Variants in KSR2 observed in about 807,000 individuals in gnomAD.
KSR2 encodes the protein kinase suppressor of ras 2.
Under a neutral mutation model 107.8 loss-of-function variants are expected in KSR2, and 25 were observed. The observed-to-expected ratio is 0.23, with a 90% CI of 0.17 to 0.32. KSR2 has a LOEUF of 0.32. KSR2 is among the 10% of genes least tolerant of loss of function. The pLI is 1.00. For missense variants in KSR2, 887 were observed against 1,268.9 expected (o/e 0.70, Z 4.57); for synonymous variants, 480 against 507.0 (o/e 0.95, Z 0.71).
intron 10 of KSR2, among the ~76,000 whole-genome samples, chr12:117,539,077 A>AT (rs1297775458): frequency 6.6e-6 from 1 of 152,234 alleles, no homozygotes; most frequent in Admixed American, 6.5e-5. Flanking sequence ...AGCCCAGTGC[A>AT]TACTCTCTGG....
chr12:117,707,605 T>G (rs10744900), intron 4 of KSR2, among the ~76,000 whole-genome samples: 28 of 152,012 alleles, frequency 1.8e-4, no homozygotes, highest in African/African-American at 6.8e-4. Flanking sequence ...TATTTTGGCA[T>G]GTGGGTTGTG....
At chr12:117,780,977 C>T (rs775742024) in intron 3 of KSR2, among the ~76,000 whole-genome samples, 10 of 152,154 alleles carry the variant, frequency 6.6e-5, no homozygotes, top group Non-Finnish European at 1.3e-4. Context: ...TTGGCTGTGA[C>T]CCCACCCAAA....
chr12:117,939,423 C>T (rs1256424594), intron 1 of KSR2, among the ~76,000 whole-genome samples: 2 of 152,098 alleles, frequency 1.3e-5, no homozygotes, highest in East Asian at 1.9e-4. Context: ...AGATTTGAAA[C>T]GTGGCTGGGT....
intron 14 of KSR2, among the ~76,000 whole-genome samples, chr12:117,523,469 A>G (rs1163777952): frequency 6.6e-6 from 1 of 152,158 alleles, no homozygotes; most frequent in African/African-American, 2.4e-5. Context: ...TTGTTTCACA[A>G]CTGTTCCATC....
At chr12:117,712,245 G>C (rs575212258) in intron 4 of KSR2, among the ~76,000 whole-genome samples, 2 of 152,170 alleles carry the variant, frequency 1.3e-5, no homozygotes, top group Non-Finnish European at 2.9e-5. Flanking sequence ...ATGCCTGCAC[G>C]CTCCTCTCAA....
chr12:117,683,655 C>T (rs1885458021), intron 4 of KSR2, among the ~76,000 whole-genome samples: 1 of 152,132 alleles, frequency 6.6e-6, no homozygotes, highest in Non-Finnish European at 1.5e-5. Context: ...CCTAACAGAC[C>T]TTCTACCAAG....
intron 14 of KSR2, among the ~76,000 whole-genome samples, chr12:117,506,665 T>C (rs555249286): frequency 7.9e-5 from 12 of 152,250 alleles, no homozygotes; most frequent in South Asian, 2.1e-4. Context: ...CCAAAGTCTA[T>C]AGGATTCCAG....
rs1229616214 is a variant in KSR2 at position 117,943,362 on chromosome 12, T to C, written c.180+24714A>G. Among the ~76,000 whole-genome samples, 3 of 152,122 alleles carry C rather than the reference T, an allele frequency of 2.0e-5. No individual in the cohort carries two copies. In the East Asian group the frequency reaches 5.8e-4, roughly 29 times the overall value. ...TTAAGAGCTCCTGGGAATTGTCACA[T>C]TGAACCATCATGTACAACTACAAAA... On this transcript the variant is annotated intron_variant, in intron 1 of 19. Coordinates refer to ENST00000339824, the MANE Select transcript of KSR2 (RefSeq NM_173598.6).
intron 1 of KSR2, among the ~76,000 whole-genome samples, chr12:117,942,483 CT>C (rs1047765783): frequency 1.5e-4 from 22 of 144,888 alleles, no homozygotes; most frequent in African/African-American, 4.8e-4. Flanking sequence ...TTTTCTTTTC[CT>C]TTTTTTTTCT....
intron 3 of KSR2, among the ~76,000 whole-genome samples, chr12:117,762,962 C>T (rs1968609): frequency 0.019 from 2,843 of 152,028 alleles, 101 homozygotes; most frequent in African/African-American, 0.065. Flanking sequence ...CATATGCATA[C>T]ATGTGCCATG....
intron 9 of KSR2, among the ~76,000 whole-genome samples, chr12:117,540,577 GTCCTAAATCCAATGACAAATA>G (rs1004300199): frequency 5.3e-5 from 8 of 152,348 alleles, no homozygotes; most frequent in South Asian, 2.1e-4. Flanking sequence ...ATTCGGGTGA[GTCCTAAATCCAATGACAAATA>G]TCCTAAATCC....
chr12:117,796,498 G>C (rs908443002), intron 3 of KSR2, among the ~76,000 whole-genome samples: 1 of 152,280 alleles, frequency 6.6e-6, no homozygotes, highest in South Asian at 2.1e-4. Context: ...TGCTACATTC[G>C]TGGAAGCTCC....
chr12:117,601,844 C>T (rs1460729108), intron 5 of KSR2, among the ~76,000 whole-genome samples: 1 of 152,230 alleles, frequency 6.6e-6, no homozygotes, highest in Non-Finnish European at 1.5e-5. Flanking sequence ...TGCCAACCTT[C>T]CAGTCTCTCC....
At chr12:117,649,595 T>C (rs1207240797) in intron 5 of KSR2, among the ~76,000 whole-genome samples, 1 of 152,192 alleles carries the variant, frequency 6.6e-6, no homozygotes, top group African/African-American at 2.4e-5. Context: ...GGCTTGGAGC[T>C]GGTAAGTAAT....
At chr12:117,934,379 G>A (rs556809909) in intron 1 of KSR2, among the ~76,000 whole-genome samples, 1 of 152,054 alleles carries the variant, frequency 6.6e-6, no homozygotes, top group South Asian at 2.1e-4. Flanking sequence ...GAGCCACTGA[G>A]AAATAATCAC....
At chr12:117,645,490 T>A (rs944419300) in intron 5 of KSR2, among the ~76,000 whole-genome samples, 1 of 152,188 alleles carries the variant, frequency 6.6e-6, no homozygotes, top group East Asian at 1.9e-4. Flanking sequence ...GGGAAAGAAG[T>A]TAGCTAAGTA....
intron 1 of KSR2, among the ~76,000 whole-genome samples, chr12:117,917,533 TA>T (rs916042111): frequency 3.3e-5 from 5 of 151,872 alleles, no homozygotes; most frequent in African/African-American, 9.7e-5. Flanking sequence ...ATCCTGTCTC[TA>T]AAAAAAAGTT....
intron 4 of KSR2, among the ~76,000 whole-genome samples, chr12:117,669,452 G>A (rs1383607248): frequency 6.6e-6 from 1 of 152,072 alleles, no homozygotes; most frequent in Non-Finnish European, 1.5e-5. Flanking sequence ...ATGAGCACTT[G>A]AATTGTGGTG....
At chr12:117,531,520 C>A (rs1875630769) in intron 11 of KSR2, 146 bp downstream of exon 11, 1 of 673,842 alleles carries the variant, frequency 1.5e-6, no homozygotes, top group East Asian at 3.0e-5. Flanking sequence ...CTTCCATGTT[C>A]AGCCATTATC....
Sources: allele counts gnomAD v4.1 joint callset (sites outside exome capture counted in the v4.1 genomes callset), GRCh38; gene constraint gnomAD v4.1.1; transcripts MANE v1.5; gene names NCBI Gene and HGNC (gene_info 2026-07-23, HGNC 2026-07-21).